DLK1: variants seen among roughly 807,000 people sequenced by gnomAD.
The protein encoded by DLK1 is protein delta homolog 1.
A neutral mutation model predicts 35.2 loss-of-function variants in DLK1; 9 were observed. The ratio of observed to expected loss-of-function variants is 0.26; its 90% CI spans 0.15 to 0.45. The LOEUF (loss-of-function observed/expected upper bound fraction) is 0.45. Among genes scored for constraint, DLK1 ranks in the 20% least tolerant of loss-of-function variants. The pLI is 1.00. For missense variants in DLK1, 522 were observed against 528.5 expected, an observed-to-expected ratio of 0.99 and a Z score of 0.12; for synonymous variants, 231 against 228.4, an observed-to-expected ratio of 1.01 and a Z score of -0.10.
chr14:100,732,824 C>A (rs543668878), intron 4 of DLK1, among the ~76,000 whole-genome samples: 1 of 152,174 alleles, frequency 6.6e-6, no homozygotes, highest in South Asian at 2.1e-4. Flanking sequence ...ATCTCTTTGG[C>A]GGCCCTGAGC....
chr14:100,728,269 A>C, intron 1 of DLK1, 127 bp from the exon 2 acceptor site: 1 of 949,144 alleles, frequency 1.1e-6, no homozygotes, highest in Non-Finnish European at 1.7e-6. Flanking sequence ...ACTGTGTGCC[A>C]GGCTGGTAGG....
rs2036543066 is a variant in DLK1 at position 100,734,282 on chromosome 14, G to A, written c.538G>A (p.Glu180Lys). 6.2e-7 allele frequency: 1 copy of A among 1,613,462 alleles called. No homozygotes were observed. The change falls in exon 5 of 5, where the codon GAG becomes AAG. Residue 180 changes from glutamate (E) to lysine (K), a missense_variant. Transcript: ENST00000341267. This position sits in a 1 kb window ranked among gnomAD's most constrained non-coding sequence, Gnocchi z 7.4. ...CAACAGCTGCACCCCCAACCCATGC[G>A]AGAACGACGGCGTCTGCACTGACAT... ...VANSCTPNPC[E>K]NDGVCTDIGG...
intron 4 of DLK1, among the ~76,000 whole-genome samples, chr14:100,733,559 G>A (rs1215781062): frequency 6.6e-6 from 1 of 152,048 alleles, no homozygotes; most frequent in South Asian, 2.1e-4. Context: ...ATAGCCTGTG[G>A]ATCCACACCG....
chr14:100,729,874 A>G (rs993492698), intron 3 of DLK1, among the ~76,000 whole-genome samples: 53 of 152,188 alleles, frequency 3.5e-4, no homozygotes, highest in African/African-American at 1.3e-3. Context: ...TCAGTCCCCA[A>G]CATTAGTAAA....
At position 100,729,246 on chromosome 14, in the gene DLK1, A is replaced by T. The variant is rs191508813; in HGVS notation, c.262+180A>T. ...CTGTGGGTACCGAATGCCTCCTCAG[A>T]GGTAGGGACTTTATTTTGCTCTTCT... On this transcript the variant is annotated intron_variant, in intron 3 of 4. Coordinates refer to ENST00000341267, the MANE Select transcript of DLK1 (RefSeq NM_003836.7). 952 of 1,082,294 alleles carry T rather than the reference A, an allele frequency of 8.8e-4. 2 individuals carry two copies. Among genetic ancestry groups the T allele is most frequent in the Non-Finnish European group, 1.2e-3 (896 of 732,714 alleles). 67.0% of individuals were successfully genotyped at this position (1,082,294 alleles called of 1,614,324 possible). A position where few individuals can be genotyped will look rare whatever the true frequency, so the allele number is the denominator to read the frequency against.
Position 100,733,590 on chromosome 14 carries a change from A to AATG in DLK1, c.405-557_405-555dup, listed in dbSNP as rs1195863087. 1.1e-4 allele frequency among the ~76,000 whole-genome samples: 16 copies of AATG among 152,090 alleles called. No individual in the cohort carries two copies. In the East Asian group the frequency reaches 2.9e-3, roughly 28 times the overall value. ...CACCGCTAATAATAATAATAATAAT[A>AATG]ATGAGGGTTGGCGGCAACAGTGGAC... is the stretch of plus-strand genomic sequence containing the variant. On this transcript the variant is annotated intron_variant, in intron 4 of 4. Transcript: ENST00000341267.
Position 100,734,497 on chromosome 14 carries a change from C to T in DLK1, c.753C>T (p.Ser251=). The T allele has an allele frequency of 6.2e-7, 1 of 1,611,114 alleles. No individual in the cohort carries two copies. Among genetic ancestry groups the T allele is most frequent in the Middle Eastern group, 1.7e-4 (1 of 6,048 alleles). The part of the protein sequence containing the change: ...GLTCVKKRAL[S]PQQVTRLPSG... The stretch of plus-strand genomic sequence containing the variant: ...CCTGTGTCAAGAAGCGCGCGCTGAG[C>T]CCCCAGCAGGTCACCCGTCTGCCCA... Residue 251 remains serine, a synonymous_variant, in exon 5 of 5, where the codon AGC becomes AGT. Coordinates refer to ENST00000341267, the MANE Select transcript of DLK1 (RefSeq NM_003836.7). This position sits in a 1 kb window ranked among gnomAD's most constrained non-coding sequence, Gnocchi z 7.4.
At position 100,734,490 on chromosome 14, in the gene DLK1, C is replaced by T. The variant is rs754418195; in HGVS notation, c.746C>T (p.Ala249Val). The T allele has an allele frequency of 6.2e-6, 10 of 1,611,122 alleles. No individual in the cohort carries two copies. In the East Asian group the frequency reaches 8.9e-5, roughly 14 times the overall value. The stretch of plus-strand genomic sequence containing the variant: ...GGTCTCACCTGTGTCAAGAAGCGCG[C>T]GCTGAGCCCCCAGCAGGTCACCCGT... ...FTGLTCVKKR[A>V]LSPQQVTRLP... The change falls in exon 5 of 5, where the codon GCG becomes GTG. Residue 249 changes from alanine to valine, a missense_variant. By Grantham distance (64) the Ala-to-Val change is moderately conservative (BLOSUM62 0). Coordinates refer to ENST00000341267, the MANE Select transcript of DLK1 (RefSeq NM_003836.7). This position sits in a 1 kb window ranked among gnomAD's most constrained non-coding sequence, Gnocchi z 7.4.
In DLK1 at chr14:100,728,970, C is replaced by T. The variant is rs1238069144; in HGVS notation, c.166C>T (p.Gln56Ter). Residue 56 changes from glutamine to a stop codon, truncating the protein, a stop_gained, in exon 3 of 5, where the codon CAG (glutamine) becomes TAG (stop). Coordinates refer to ENST00000341267, the MANE Select transcript of DLK1 (RefSeq NM_003836.7). LOFTEE classifies it high-confidence loss of function. Reference sequence around the variant, plus strand: ...TGGCTGGCAGGGTCCCCTTTGTGACCAGTGCGTGACCTCTCCCGGCTGCCT... The same window carrying T: ...TGGCTGGCAGGGTCCCCTTTGTGACTAGTGCGTGACCTCTCCCGGCTGCCT... ...QPGWQGPLCD[Q>*]CVTSPGCLHG... 1 of 1,614,156 alleles carries T rather than the reference C, an allele frequency of 6.2e-7. No individual in the cohort carries two copies. The highest frequency in any genetic ancestry group is 8.5e-7 in the Non-Finnish European group (1 of 1,180,046).
At position 100,729,277 on chromosome 14, in the gene DLK1, C is replaced by T. The variant is rs575866244; in HGVS notation, c.262+211C>T. ...GGACTTTATTTTGCTCTTCTCTGCG[C>T]CATCAGCACCCAGCACCTAGAGGGA... is the stretch of plus-strand genomic sequence containing the variant. On this transcript the variant is annotated intron_variant, in intron 3 of 4. Transcript: ENST00000341267. 1.4e-5 allele frequency: 11 copies of T among 805,524 alleles called. No individual in the cohort carries two copies. In the South Asian group the frequency reaches 1.5e-4, roughly 11 times the overall value. The allele number at this position is 805,524 out of a possible 1,614,324, so 49.9% of individuals were successfully genotyped here.
rs990546480 is a variant in DLK1, at chr14:100,731,415, A to G, written c.263-627A>G. Among the ~76,000 whole-genome samples, 7 of 152,180 alleles carry G rather than the reference A, an allele frequency of 4.6e-5. No homozygotes were observed. The East Asian group carries it at 1.3e-3, about 29-fold the overall frequency. On this transcript the variant is annotated intron_variant, in intron 3 of 4. Coordinates refer to ENST00000341267, the MANE Select transcript of DLK1 (RefSeq NM_003836.7). ...TAATTTCCCTGGCTTTAAAAGATGAAGCCTTTTTACCAGGGACCCCTTGAG... is the reference window on the plus strand; with the variant it reads ...TAATTTCCCTGGCTTTAAAAGATGAGGCCTTTTTACCAGGGACCCCTTGAG...
At chr14:100,727,173 G>C in intron 1 of DLK1, 38 bp downstream of exon 1, 1 of 1,523,560 alleles carries the variant, frequency 6.6e-7, no homozygotes, top group Non-Finnish European at 8.8e-7. Context: ...CCCCCTCTGG[G>C]GAAGCCTGCG....
Position 100,734,164 on chromosome 14 carries a change from C to G in DLK1, c.420C>G (p.His140Gln). The part of the protein sequence containing the change: ...PCVINGSPCQ[H>Q]GGTCVDDEGR... ...TGTGTTGCAGCTCCCCCTGCCAGCA[C>G]GGAGGCACCTGCGTGGATGATGAGG... The change falls in exon 5 of 5, where the codon CAC (histidine) becomes CAG (glutamine). Residue 140 changes from histidine (H) to glutamine (Q), a missense_variant. His to Gln is a conservative substitution (Grantham distance 24, BLOSUM62 0). Transcript: ENST00000341267. The surrounding 1 kb of genome is among the most constrained non-coding windows in gnomAD (Gnocchi z 7.4). 6.2e-7 allele frequency: 1 copy of G among 1,607,732 alleles called. No homozygotes were observed.
In DLK1 at chr14:100,734,561, C is replaced by T. The variant is rs375313919; in HGVS notation, c.817C>T (p.His273Tyr). 1.9e-6 allele frequency: 3 copies of T among 1,613,072 alleles called. No homozygotes were observed. Among genetic ancestry groups the T allele is most frequent in the Non-Finnish European group, 2.5e-6 (3 of 1,179,876 alleles). ...GLAYRLTPGV[H>Y]ELPVQQPEHR... ...GGCCTACCGCCTGACCCCTGGGGTGCACGAGCTGCCGGTGCAGCAGCCGGA... is the reference window on the plus strand; with the variant it reads ...GGCCTACCGCCTGACCCCTGGGGTGTACGAGCTGCCGGTGCAGCAGCCGGA... Residue 273 changes from histidine (H) to tyrosine (Y), a missense_variant, in exon 5 of 5, where the codon CAC becomes TAC. His to Tyr is a moderately conservative substitution (Grantham distance 83). Transcript: ENST00000341267. The surrounding 1 kb of genome is among the most constrained non-coding windows in gnomAD (Gnocchi z 7.4).
chr14:100,730,733 G>T (rs566218366), intron 3 of DLK1, among the ~76,000 whole-genome samples: 2 of 152,206 alleles, frequency 1.3e-5, no homozygotes, highest in Non-Finnish European at 2.9e-5. Context: ...GGAGCCTGAC[G>T]CGGAGGCGCC....
rs749811456 is a variant in DLK1, at chr14:100,728,896, C to T, written c.132-40C>T. On this transcript the variant is annotated intron_variant, in intron 2 of 4. Transcript: ENST00000341267. ...CCTGAGCTGCCTCTCTACCCCTGCC[C>T]TCTTCATATGTCCCCACCTTTCTCC... 2.5e-6 allele frequency: 4 copies of T among 1,606,682 alleles called. No individual in the cohort carries two copies. In the African/African-American group the frequency reaches 5.3e-5, roughly 21 times the overall value.
At chr14:100,733,486 G>A (rs1441511713) in intron 4 of DLK1, among the ~76,000 whole-genome samples, 1 of 152,178 alleles carries the variant, frequency 6.6e-6, no homozygotes, top group Non-Finnish European at 1.5e-5. Context: ...ACGCTGGCTT[G>A]TGCCACCGTA....
chr14:100,727,309 G>A (rs2036447536), intron 1 of DLK1, among the ~76,000 whole-genome samples, 174 bp downstream of exon 1: 2 of 152,204 alleles, frequency 1.3e-5, no homozygotes, highest in Admixed American at 6.5e-5. Flanking sequence ...GCATGCCAAG[G>A]CCCGTCCCAG....
chr14:100,727,051 G>A lies in DLK1; in HGVS notation c.-18G>A. On this transcript the variant is annotated 5_prime_UTR_variant, in exon 1 of 5. Transcript: ENST00000341267. ...GCGCCCGCACCGCTCCCGGGACCGC[G>A]ACCCCGGCCGCCCAGAGATGACCGC... 9.6e-6 allele frequency: 15 copies of A among 1,558,868 alleles called. No individual in the cohort carries two copies. Among genetic ancestry groups the A allele is most frequent in the Non-Finnish European group, 1.3e-5 (15 of 1,155,092 alleles).
Sources: gnomAD v4.1 joint callset for allele counts (sites outside exome capture counted in the v4.1 genomes callset) on GRCh38, gnomAD v4.1.1 for gene constraint, Gnocchi (gnomAD v3.1) non-coding constraint, MANE v1.5 for transcripts, NCBI Gene and HGNC (gene_info 2026-07-23, HGNC 2026-07-21) for gene names.